Variants in TBC1D1 observed in about 807,000 individuals in gnomAD.
TBC1D1 encodes the protein TBC1 (tre-2/USP6, BUB2, cdc16) domain family, member 1.
Under a neutral mutation model 125.6 loss-of-function variants are expected in TBC1D1, and 89 were observed. The ratio of observed to expected loss-of-function variants is 0.71; its 90% CI spans 0.60 to 0.85. The LOEUF (loss-of-function observed/expected upper bound fraction) is 0.85, where lower values mean the gene tolerates loss of function less well. Ranked by LOEUF, TBC1D1 falls within the 40% of genes least tolerant of loss-of-function variation. The pLI is 0.00. For missense variants in TBC1D1, 1,377 were observed against 1,469.2 expected, an observed-to-expected ratio of 0.94 and a Z score of 1.03; for synonymous variants, 565 against 564.1, an observed-to-expected ratio of 1.00 and a Z score of -0.02.
intron 7 of TBC1D1, among the ~76,000 whole-genome samples, chr4:38,033,243 A>G (rs1172883312): frequency 6.6e-6 from 1 of 152,222 alleles, no homozygotes; most frequent in Non-Finnish European, 1.5e-5. Flanking sequence ...CTCCAAGCAC[A>G]ATATACATTT....
Position 37,948,289 on chromosome 4 carries a change from A to G in TBC1D1, c.417+45777A>G, listed in dbSNP as rs951490882. Among the ~76,000 whole-genome samples, 3 of 152,142 alleles carry G rather than the reference A, an allele frequency of 2.0e-5. No individual in the cohort carries two copies. The East Asian group carries it at 5.8e-4, about 29-fold the overall frequency. ...TGGGCATTTTGTATCAAGTACAGGA[A>G]CTTGCCTTTTCTCACTCAGTCATTA... On this transcript the variant is annotated intron_variant, in intron 2 of 19. Coordinates refer to ENST00000261439, the MANE Select transcript of TBC1D1 (RefSeq NM_015173.4).
chr4:38,057,571 C>T (rs1407349173), intron 12 of TBC1D1, among the ~76,000 whole-genome samples: 1 of 152,136 alleles, frequency 6.6e-6, no homozygotes, highest in Admixed American at 6.5e-5. Context: ...CAGAACCAAG[C>T]CGCCTGAATT....
At chr4:38,011,277 T>TG (rs548801190) in intron 2 of TBC1D1, among the ~76,000 whole-genome samples, 3,331 of 146,746 alleles carry the variant, frequency 0.023, 49 homozygotes, top group Non-Finnish European at 0.035. Context: ...TGCTTGAACC[T>TG]GGGGGGCAGA....
chr4:38,012,408 G>A (rs747659607), intron 2 of TBC1D1, among the ~76,000 whole-genome samples: 1 of 152,074 alleles, frequency 6.6e-6, no homozygotes, highest in Non-Finnish European at 1.5e-5. Flanking sequence ...AGGAGTAGTG[G>A]GGACTGCAGG....
intron 6 of TBC1D1, among the ~76,000 whole-genome samples, chr4:38,023,682 A>G (rs551976548): frequency 6.6e-6 from 1 of 152,328 alleles, no homozygotes; most frequent in South Asian, 2.1e-4. Flanking sequence ...CCATTCCAAA[A>G]GTGTGTCCAC....
intron 8 of TBC1D1, among the ~76,000 whole-genome samples, chr4:38,040,209 A>G (rs911313690): frequency 4.3e-4 from 65 of 152,228 alleles, no homozygotes; most frequent in African/African-American, 1.6e-3. Context: ...AAACACATGC[A>G]TACAAATGCA....
intron 2 of TBC1D1, among the ~76,000 whole-genome samples, chr4:37,968,759 A>G (rs1332106981): frequency 1.3e-5 from 2 of 151,832 alleles, no homozygotes; most frequent in Non-Finnish European, 2.9e-5. Flanking sequence ...TGTGTCCTTG[A>G]GAGAAAGTGA....
In TBC1D1 at chr4:37,931,571, G is replaced by A. The variant is rs1037322727; in HGVS notation, c.417+29059G>A. On this transcript the variant is annotated intron_variant, in intron 2 of 19. Transcript: ENST00000261439. Reference sequence around the variant, plus strand: ...CAGCTCACTGCAACCTCCGCCTCCCGGGTTCAAGCGATTCTCCTGCCTCAG... The same window carrying A: ...CAGCTCACTGCAACCTCCGCCTCCCAGGTTCAAGCGATTCTCCTGCCTCAG... Among the ~76,000 whole-genome samples, 28 of 151,744 alleles carry A rather than the reference G, an allele frequency of 1.8e-4. No individual in the cohort carries two copies. In the East Asian group the frequency reaches 2.5e-3, roughly 14 times the overall value.
intron 2 of TBC1D1, among the ~76,000 whole-genome samples, chr4:37,912,090 C>T (rs2152253397): frequency 6.6e-6 from 1 of 152,348 alleles, no homozygotes; most frequent in Non-Finnish European, 1.5e-5. Context: ...TCTATTTCCA[C>T]ACTTCCCAGT....
intron 7 of TBC1D1, among the ~76,000 whole-genome samples, chr4:38,029,636 G>A (rs992608036): frequency 6.6e-6 from 1 of 152,100 alleles, no homozygotes; most frequent in African/African-American, 2.4e-5. Context: ...CAAAGTGCTG[G>A]GATTACAGCT....
chr4:38,137,460 C>G lies in TBC1D1; in HGVS notation c.*125C>G, dbSNP rs1766835519. 2 of 1,286,564 alleles carry G rather than the reference C, an allele frequency of 1.6e-6. No homozygotes were observed. Among genetic ancestry groups the G allele is most frequent in the Non-Finnish European group, 2.0e-6 (2 of 1,010,262 alleles). The allele number at this position is 1,286,564 out of a possible 1,614,324, so 79.7% of individuals were successfully genotyped here. ...CTTCTCAGGGAGGAAACCGGCTTGC[C>G]AGCAAGTAGATTCTTACGAACTCCA... On this transcript the variant is annotated 3_prime_UTR_variant, in exon 20 of 20. Coordinates refer to ENST00000261439, the MANE Select transcript of TBC1D1 (RefSeq NM_015173.4).
At chr4:37,975,313 C>T (rs1418586943) in intron 2 of TBC1D1, among the ~76,000 whole-genome samples, 1 of 152,194 alleles carries the variant, frequency 6.6e-6, no homozygotes, top group Non-Finnish European at 1.5e-5. Context: ...AGTACTTTCA[C>T]TAATTTGCTA....
At chr4:38,007,231 ATTTT>A (rs546102191) in intron 2 of TBC1D1, 2 of 152,226 alleles carry the variant, frequency 1.3e-5, no homozygotes, top group Non-Finnish European at 1.5e-5. Context: ...TTTACTTTTT[ATTTT>A]TTTATTTATT....
intron 2 of TBC1D1, among the ~76,000 whole-genome samples, chr4:37,989,567 G>A (rs1683370426): frequency 6.6e-6 from 1 of 152,222 alleles, no homozygotes; most frequent in African/African-American, 2.4e-5. Flanking sequence ...ATGTTTTACG[G>A]AGATTGATTC....
In TBC1D1 at chr4:37,977,859, C is replaced by T. The variant is rs1175586054; in HGVS notation, c.418-36650C>T. On this transcript the variant is annotated intron_variant, in intron 2 of 19. Coordinates refer to ENST00000261439, the MANE Select transcript of TBC1D1 (RefSeq NM_015173.4). This position sits in a 1 kb window ranked among gnomAD's most constrained non-coding sequence, Gnocchi z 4.3. The stretch of plus-strand genomic sequence containing the variant: ...GCGCCGCGGAGCTGCCGCTCGGTGC[C>T]TCCCCGGCGCGGGACCTCGCGGAAG... Among the ~76,000 whole-genome samples the T allele has an allele frequency of 6.6e-6, 1 of 152,116 alleles. No individual in the cohort carries two copies. Among genetic ancestry groups the T allele is most frequent in the Admixed American group, 6.5e-5 (1 of 15,294 alleles).
At chr4:37,974,028 C>T (rs184775574) in intron 2 of TBC1D1, among the ~76,000 whole-genome samples, 36 of 152,334 alleles carry the variant, frequency 2.4e-4, no homozygotes, top group African/African-American at 7.7e-4. Context: ...CAAGCATTCT[C>T]GCTCTAATGG....
chr4:37,897,546 A>G (rs1442156690), intron 1 of TBC1D1, among the ~76,000 whole-genome samples: 1 of 152,238 alleles, frequency 6.6e-6, no homozygotes. Context: ...TGTTTTGTCA[A>G]TGAAATGGCA....
chr4:38,045,926 G>C, intron 10 of TBC1D1, 23 bp downstream of exon 10: 1 of 1,598,024 alleles, frequency 6.3e-7, no homozygotes, highest in Non-Finnish European at 8.6e-7. Context: ...CTCTTTATAC[G>C]ACACCCTGAA....
chr4:37,897,851 G>A (rs1468762542), intron 1 of TBC1D1, among the ~76,000 whole-genome samples: 7 of 152,148 alleles, frequency 4.6e-5, no homozygotes, highest in South Asian at 2.1e-4. Context: ...TTTCACCTGT[G>A]AGAGAGAGAA....
Sources: gnomAD v4.1 joint callset for allele counts (sites outside exome capture counted in the v4.1 genomes callset) on GRCh38, gnomAD v4.1.1 for gene constraint, Gnocchi (gnomAD v3.1) non-coding constraint, MANE v1.5 for transcripts, NCBI Gene and HGNC (gene_info 2026-07-23, HGNC 2026-07-21) for gene names.